PRSS12: variants seen among roughly 807,000 people sequenced by gnomAD.
PRSS12 encodes the protein serine protease 12, also known as neurotrypsin.
PRSS12 carries 85 observed loss-of-function variants against 104.4 expected under a neutral mutation model. The ratio of observed to expected loss-of-function variants is 0.81; its 90% CI spans 0.68 to 0.98. PRSS12 has a LOEUF of 0.98. Ranked by LOEUF, PRSS12 falls within the 50% of genes least tolerant of loss-of-function variation. The probability of loss-of-function intolerance (pLI) is 0.00; values close to 1 mark genes in which losing one functional copy is unlikely to be tolerated. For synonymous variants in PRSS12, 454 were observed against 425.2 expected (o/e 1.07, Z -0.83); for missense variants, 1,141 against 1,139.2 (o/e 1.00, Z -0.02).
chr4:118,311,456 A>G (rs1240189323), intron 7 of PRSS12, among the ~76,000 whole-genome samples: 1 of 152,086 alleles, frequency 6.6e-6, no homozygotes, highest in Non-Finnish European at 1.5e-5. Context: ...AAAAATCTCC[A>G]TTGTTTCCTA....
In PRSS12 at chr4:118,313,350, G is replaced by A; in HGVS notation, c.1340C>T (p.Pro447Leu). The A allele has an allele frequency of 6.2e-7, 1 of 1,614,046 alleles. No individual in the cohort carries two copies. The change falls in exon 7 of 13, where the codon CCC becomes CTC. Residue 447 changes from proline (P) to leucine (L), a missense_variant. Transcript: ENST00000296498. Reference sequence around the variant, plus strand: ...GCAGCTGACGTCATCCAACCATATGGGCCCTGTGCTTTCTTCAAAATGGTT... The same window carrying A: ...GCAGCTGACGTCATCCAACCATATGAGCCCTGTGCTTTCTTCAAAATGGTT... ...SANHFEESTG[P>L]IWLDDVSCSG...
At chr4:118,289,533 G>A (rs1743085292) in intron 11 of PRSS12, among the ~76,000 whole-genome samples, 1 of 152,110 alleles carries the variant, frequency 6.6e-6, no homozygotes, top group Non-Finnish European at 1.5e-5. Context: ...ACCTCTCAGA[G>A]CCCTACTACA....
chr4:118,308,627 T>C (rs551876105), intron 7 of PRSS12, 50 bp from the exon 8 acceptor site: 38 of 1,593,730 alleles, frequency 2.4e-5, no homozygotes, highest in Admixed American at 2.0e-4. Flanking sequence ...GCAAACTGAT[T>C]CTAAAGCATG....
intron 4 of PRSS12, among the ~76,000 whole-genome samples, chr4:118,325,725 C>A (rs1274962918): frequency 6.6e-6 from 1 of 152,028 alleles, no homozygotes; most frequent in Non-Finnish European, 1.5e-5. Flanking sequence ...TTTGATAAAG[C>A]TGTGTGTTCT....
chr4:118,314,386 T>C (rs139121402), intron 6 of PRSS12, among the ~76,000 whole-genome samples: 61 of 152,276 alleles, frequency 4.0e-4, no homozygotes, highest in African/African-American at 1.4e-3. Flanking sequence ...AAAATTTTAA[T>C]CATTCTATGG....
chr4:118,313,081 T>C, intron 7 of PRSS12, 120 bp downstream of exon 7: 1 of 1,099,900 alleles, frequency 9.1e-7, no homozygotes, highest in Non-Finnish European at 1.3e-6. Context: ...AATTAGACAG[T>C]TATGGGAAAT....
At position 118,352,669 on chromosome 4, in the gene PRSS12, C is replaced by T. The variant is rs1560791920; in HGVS notation, c.52G>A (p.Val18Met). 6.2e-7 allele frequency: 1 copy of T among 1,613,316 alleles called. No individual in the cohort carries two copies. Among genetic ancestry groups the T allele is most frequent in the Non-Finnish European group, 8.5e-7 (1 of 1,179,540 alleles). The change falls in exon 1 of 13, where the codon GTG becomes ATG. Residue 18 changes from valine (V) to methionine (M), a missense_variant. Physicochemically the swap from Val to Met is conservative, Grantham distance 21 (BLOSUM62 1). Transcript: ENST00000296498. ...LALMLGALPEVVGFDSVLNDS... is the reference protein window; with the variant it reads ...LALMLGALPEMVGFDSVLNDS... ...TTGAGGACAGAATCAAAGCCGACCACTTCGGGGAGCGCCCCTAACATCAGG... is the reference window on the plus strand; with the variant it reads ...TTGAGGACAGAATCAAAGCCGACCATTTCGGGGAGCGCCCCTAACATCAGG...
In PRSS12 at chr4:118,316,193, T is replaced by C. The variant is rs2292597; in HGVS notation, c.1281A>G (p.Gln427=). ...TELNTYVVCR[Q]LGFKYGKQAS... ...TTAATGAACCTTACTTAAATCCCAATTGTCGACAAACCACGTATGTATTCA... is the reference window on the plus strand; with the variant it reads ...TTAATGAACCTTACTTAAATCCCAACTGTCGACAAACCACGTATGTATTCA... The change falls in exon 6 of 13, where the codon CAA becomes CAG. Residue 427 remains glutamine (Q), a synonymous_variant. Coordinates refer to ENST00000296498, the MANE Select transcript of PRSS12 (RefSeq NM_003619.4). 0.55 allele frequency: 888,485 copies of C among 1,613,372 alleles called. 246,163 individuals carry two copies. Among genetic ancestry groups the C allele is most frequent in the East Asian group, 0.6 (26,854 of 44,828 alleles).
intron 9 of PRSS12, 135 bp from the exon 10 acceptor site, chr4:118,295,991 A>C: frequency 1.3e-6 from 1 of 792,148 alleles, no homozygotes; most frequent in Non-Finnish European, 2.2e-6. Context: ...TTTTTCTTGT[A>C]ACAAAAATAG....
At position 118,316,999 on chromosome 4, in the gene PRSS12, T is replaced by C. The variant is rs548859338; in HGVS notation, c.1151-676A>G. ...TTTAGTCTCAAGTCAGAGCAATACA[T>C]GTCATTTAAATTTAAAAAGAAAATA... is the stretch of plus-strand genomic sequence containing the variant. On this transcript the variant is annotated intron_variant, in intron 5 of 12. Coordinates refer to ENST00000296498, the MANE Select transcript of PRSS12 (RefSeq NM_003619.4). 2.0e-5 allele frequency among the ~76,000 whole-genome samples: 3 copies of C among 151,702 alleles called. No individual in the cohort carries two copies. The South Asian group carries it at 6.2e-4, about 32-fold the overall frequency.
Position 118,313,248 on chromosome 4 carries a change from A to T in PRSS12, c.1442T>A (p.Val481Asp). The change falls in exon 7 of 13, where the codon GTT (valine) becomes GAT (aspartate). Residue 481 changes from valine to aspartate, a missense_variant. By Grantham distance (152) the Val-to-Asp change is radical (BLOSUM62 -3). Transcript: ENST00000296498. Reference sequence around the variant, plus strand: ...GCCGCCAGGGTAGCAGGCAATGCTAACATCTTCGCGGTGGCTGCAGTCATG... The same window carrying T: ...GCCGCCAGGGTAGCAGGCAATGCTATCATCTTCGCGGTGGCTGCAGTCATG... Reference protein sequence around the residue: ...GRHDCSHREDVSIACYPGGEG... With the variant: ...GRHDCSHREDDSIACYPGGEG... 2 of 1,614,062 alleles carry T rather than the reference A, an allele frequency of 1.2e-6. No individual in the cohort carries two copies. Among genetic ancestry groups the T allele is most frequent in the Non-Finnish European group, 1.7e-6 (2 of 1,179,980 alleles).
At chr4:118,285,475 C>T (rs1441344744) in intron 11 of PRSS12, among the ~76,000 whole-genome samples, 1 of 152,128 alleles carries the variant, frequency 6.6e-6, no homozygotes, top group African/African-American at 2.4e-5. Flanking sequence ...ATTGTAAATA[C>T]ATCCTTGAAA....
intron 1 of PRSS12, among the ~76,000 whole-genome samples, chr4:118,345,176 G>A (rs941878143): frequency 1.2e-4 from 18 of 152,188 alleles, no homozygotes; most frequent in Non-Finnish European, 2.9e-5. Flanking sequence ...TACCCTGTTA[G>A]AAGAACCAGC....
At chr4:118,311,084 C>T (rs185375547) in intron 7 of PRSS12, among the ~76,000 whole-genome samples, 6 of 152,030 alleles carry the variant, frequency 3.9e-5, no homozygotes, top group Non-Finnish European at 1.5e-5. Flanking sequence ...TAAATTAAGC[C>T]TAATTTTATA....
chr4:118,281,529 G>C lies in PRSS12; in HGVS notation c.*407C>G, dbSNP rs1742852113. ...CTAAGCATAAATATGCCACTCATGA[G>C]TGTAGTAAAGGGTACCGCATTTATG... On this transcript the variant is annotated 3_prime_UTR_variant, in exon 13 of 13. Transcript: ENST00000296498. 1.2e-5 allele frequency: 3 copies of C among 252,604 alleles called. No homozygotes were observed. The highest frequency in any genetic ancestry group is 2.4e-5 in the Non-Finnish European group (3 of 126,998). The allele number at this position is 252,604 out of a possible 1,614,324, so 15.6% of individuals were successfully genotyped here.
chr4:118,325,809 T>A (rs536947965), intron 4 of PRSS12, among the ~76,000 whole-genome samples: 51 of 151,724 alleles, frequency 3.4e-4, no homozygotes, highest in South Asian at 2.9e-3. Flanking sequence ...TGTTGTCTAG[T>A]TTTTTACCCT....
At chr4:118,310,976 G>A (rs763193663) in intron 7 of PRSS12, among the ~76,000 whole-genome samples, 6 of 152,022 alleles carry the variant, frequency 3.9e-5, no homozygotes, top group South Asian at 2.1e-4. Context: ...GCTTGAATCC[G>A]GGAGGTGGAG....
rs187152981 is a variant in PRSS12, at chr4:118,299,199, C to T, written c.1632-261G>A. ...TCTAAGAAACTTACATTTAATGGCA[C>T]ATCAAAAAATCATGATAGTCTTTAA... On this transcript the variant is annotated intron_variant, in intron 8 of 12. Coordinates refer to ENST00000296498, the MANE Select transcript of PRSS12 (RefSeq NM_003619.4). Among the ~76,000 whole-genome samples the T allele has an allele frequency of 2.6e-5, 4 of 152,238 alleles. No homozygotes were observed. In the East Asian group the frequency reaches 7.7e-4, roughly 29 times the overall value.
chr4:118,350,591 A>G (rs892975364), intron 1 of PRSS12, among the ~76,000 whole-genome samples: 3 of 152,194 alleles, frequency 2.0e-5, no homozygotes, highest in Non-Finnish European at 4.4e-5. Context: ...ACAAATAACT[A>G]TTATGCAGTA....
Sources: allele counts gnomAD v4.1 joint callset (sites outside exome capture counted in the v4.1 genomes callset), GRCh38; gene constraint gnomAD v4.1.1; transcripts MANE v1.5; gene names NCBI Gene and HGNC (gene_info 2026-07-23, HGNC 2026-07-21).